Variants in NPAS3 observed in about 807,000 individuals in gnomAD.
The protein encoded by NPAS3 is neuronal PAS domain-containing protein 3.
Under a neutral mutation model 73.1 loss-of-function variants are expected in NPAS3, and 14 were observed. The observed-to-expected ratio is 0.19, with a 90% CI of 0.13 to 0.30. NPAS3 has a LOEUF of 0.30. NPAS3 is among the 10% of genes least tolerant of loss of function. The pLI, the probability that NPAS3 is intolerant of heterozygous loss-of-function variation, is 1.00. For synonymous variants in NPAS3, 620 were observed against 541.5 expected (o/e 1.14, Z -2.01); for missense variants, 1,096 against 1,250.0 (o/e 0.88, Z 1.86).
In NPAS3 at chr14:33,800,117, C is replaced by T. The variant is rs1386144045; in HGVS notation, c.1810C>T (p.Arg604Trp). Residue 604 changes from arginine (R) to tryptophan (W), a missense_variant, in exon 12 of 12, where the codon CGG becomes TGG. Arg to Trp is a moderately radical substitution (Grantham distance 101). This residue lies in a region of NPAS3 where 698 missense variants were observed against 676.7 expected (regional missense o/e 1.03). Transcript: ENST00000356141. The surrounding 1 kb of genome is among the most constrained non-coding windows in gnomAD (Gnocchi z 6.5). The stretch of plus-strand genomic sequence containing the variant: ...CAAGCACCAGAAGCGCAAGAAAAGG[C>T]GGAAACGGCAAAAGGGCGGCAGCGC... 3.2e-6 allele frequency: 5 copies of T among 1,583,972 alleles called. No homozygotes were observed. The highest frequency in any genetic ancestry group is 4.3e-6 in the Non-Finnish European group (5 of 1,167,672).
intron 4 of NPAS3, among the ~76,000 whole-genome samples, chr14:33,448,696 T>C (rs2049637426): frequency 6.6e-6 from 1 of 152,176 alleles, no homozygotes; most frequent in Non-Finnish European, 1.5e-5. Flanking sequence ...ATGAGGAACA[T>C]CTCTCTGCCA....
At chr14:33,392,027 C>T (rs779405792) in intron 4 of NPAS3, among the ~76,000 whole-genome samples, 1 of 152,114 alleles carries the variant, frequency 6.6e-6, no homozygotes, top group Non-Finnish European at 1.5e-5. Context: ...TGATAGTTGA[C>T]ATTTTTAGTT....
intron 2 of NPAS3, among the ~76,000 whole-genome samples, chr14:33,125,680 A>G (rs1352349482): frequency 2.0e-5 from 3 of 152,116 alleles, no homozygotes; most frequent in Non-Finnish European, 4.4e-5. Flanking sequence ...TGTTTCATAT[A>G]TGAAAGGCCC....
intron 5 of NPAS3, among the ~76,000 whole-genome samples, chr14:33,587,661 C>A (rs1294900959): frequency 6.6e-6 from 1 of 152,172 alleles, no homozygotes; most frequent in African/African-American, 2.4e-5. Flanking sequence ...TAAGTATATT[C>A]TTCTTAAAGC....
At chr14:33,009,882 G>A (rs1172989119) in intron 1 of NPAS3, among the ~76,000 whole-genome samples, 2 of 152,084 alleles carry the variant, frequency 1.3e-5, no homozygotes, top group African/African-American at 4.8e-5. Context: ...GTCTAGTGCT[G>A]GTTCTGACAC....
At chr14:33,261,824 T>A (rs243301) in intron 3 of NPAS3, among the ~76,000 whole-genome samples, 3 of 151,876 alleles carry the variant, frequency 2.0e-5, no homozygotes, top group East Asian at 1.9e-4. Flanking sequence ...TAAAGCAATG[T>A]GAGGAAATAG....
At chr14:33,758,580 T>C (rs1566507285) in intron 7 of NPAS3, among the ~76,000 whole-genome samples, 1 of 152,260 alleles carries the variant, frequency 6.6e-6, no homozygotes. Flanking sequence ...GCTTAATTTC[T>C]GTGTCCTCTA....
intron 2 of NPAS3, among the ~76,000 whole-genome samples, chr14:33,182,963 G>A (rs2045848479): frequency 1.3e-5 from 2 of 152,138 alleles, no homozygotes; most frequent in African/African-American, 4.8e-5. Flanking sequence ...AACAGCCAGT[G>A]GCCTTTCTTC....
chr14:33,444,767 G>A (rs976541107), intron 4 of NPAS3, among the ~76,000 whole-genome samples: 20 of 152,220 alleles, frequency 1.3e-4, no homozygotes, highest in Non-Finnish European at 2.5e-4. Context: ...ATGAAAATCA[G>A]TGCACATCTA....
At chr14:33,409,406 T>G (rs777492369) in intron 4 of NPAS3, among the ~76,000 whole-genome samples, 61 of 152,310 alleles carry the variant, frequency 4.0e-4, no homozygotes, top group Middle Eastern at 3.4e-3. Context: ...TAAATATATG[T>G]GTTTTAGGAT....
intron 2 of NPAS3, among the ~76,000 whole-genome samples, chr14:33,087,207 GTATTAT>G (rs977331430): frequency 2.8e-5 from 3 of 108,544 alleles, no homozygotes; most frequent in Non-Finnish European, 5.8e-5. Flanking sequence ...TAATAATATA[GTATTAT>G]TATTATTGTA....
At chr14:32,934,910 C>T (rs2035648341), upstream of NPAS3, 1 of 1,001,798 alleles carries the variant, frequency 1.0e-6, no homozygotes, top group Non-Finnish European at 1.2e-6. This position sits in a 1 kb window ranked among gnomAD's most constrained non-coding sequence, Gnocchi z 4.1. Context: ...GGGGCGGCCG[C>T]GGGGGTGCCG....
Position 33,027,350 on chromosome 14 carries a change from G to A in NPAS3, c.51-28555G>A, listed in dbSNP as rs189882554. ...CTCTGAGTCAGGAGGAATACGAATCGTTGGAAAAGCTGGAAAAGGCCTGAT... is the reference window on the plus strand; with the variant it reads ...CTCTGAGTCAGGAGGAATACGAATCATTGGAAAAGCTGGAAAAGGCCTGAT... On this transcript the variant is annotated intron_variant, in intron 1 of 11. Transcript: ENST00000356141. Among the ~76,000 whole-genome samples, 47 of 152,260 alleles carry A rather than the reference G, an allele frequency of 3.1e-4. 1 individual carries two copies. Among genetic ancestry groups the A allele is most frequent in the East Asian group, 1.9e-3 (10 of 5,180 alleles).
intron 5 of NPAS3, among the ~76,000 whole-genome samples, chr14:33,605,467 C>T (rs566631382): frequency 5.4e-5 from 8 of 149,222 alleles, no homozygotes; most frequent in African/African-American, 2.0e-4. Context: ...CTGATTGAAT[C>T]CATAAAAGAC....
chr14:33,360,826 C>T (rs977645440), intron 3 of NPAS3, among the ~76,000 whole-genome samples: 2 of 152,160 alleles, frequency 1.3e-5, no homozygotes, highest in African/African-American at 4.8e-5. Context: ...GAGGATTTCC[C>T]TCATGTACCC....
At chr14:33,551,603 G>GA (rs1217093249) in intron 4 of NPAS3, among the ~76,000 whole-genome samples, 2 of 152,176 alleles carry the variant, frequency 1.3e-5, no homozygotes, top group Non-Finnish European at 2.9e-5. Context: ...AGAGAAGGGG[G>GA]AAAAAGCTAA....
chr14:33,644,003 G>A (rs944481459), intron 5 of NPAS3, among the ~76,000 whole-genome samples: 1 of 152,030 alleles, frequency 6.6e-6, no homozygotes, highest in African/African-American at 2.4e-5. Flanking sequence ...TCTTTATGAT[G>A]TATTTTCTGC....
At position 33,117,191 on chromosome 14, in the gene NPAS3, T is replaced by C. The variant is rs2043095749; in HGVS notation, c.140+61197T>C. On this transcript the variant is annotated intron_variant, in intron 2 of 11. Transcript: ENST00000356141. ...TGACCATCACTTCATGCATTTATCATTTCTTGGTGGTGGGGACATCCAAAA... is the reference window on the plus strand; with the variant it reads ...TGACCATCACTTCATGCATTTATCACTTCTTGGTGGTGGGGACATCCAAAA... Among the ~76,000 whole-genome samples the C allele has an allele frequency of 3.3e-5, 5 of 152,082 alleles. No homozygotes were observed. The South Asian group carries it at 1.0e-3, about 31-fold the overall frequency.
At chr14:33,704,414 A>G (rs892475847) in intron 6 of NPAS3, among the ~76,000 whole-genome samples, 1 of 152,244 alleles carries the variant, frequency 6.6e-6, no homozygotes, top group Non-Finnish European at 1.5e-5. Flanking sequence ...AATTGGAGGT[A>G]CAGCTATGGT....
Sources: allele counts gnomAD v4.1 joint callset (sites outside exome capture counted in the v4.1 genomes callset), GRCh38; gene constraint gnomAD v4.1.1; regional missense constraint gnomAD v4.1.1; non-coding constraint Gnocchi (gnomAD v3.1); transcripts MANE v1.5; gene names NCBI Gene and HGNC (gene_info 2026-07-23, HGNC 2026-07-21).